DCC: variants seen among roughly 807,000 people sequenced by gnomAD.
DCC encodes netrin receptor DCC.
Under a neutral mutation model 172.5 loss-of-function variants are expected in DCC, and 58 were observed. The ratio of observed to expected loss-of-function variants is 0.34; its 90% CI spans 0.27 to 0.42. The LOEUF is 0.42. Ranked by LOEUF, DCC falls within the 10% of genes least tolerant of loss-of-function variation. The pLI is 1.00. For synonymous variants in DCC, 709 were observed against 644.5 expected, an observed-to-expected ratio of 1.10 and a Z score of -1.52; for missense variants, 1,740 against 1,791.0, an observed-to-expected ratio of 0.97 and a Z score of 0.51.
chr18:53,090,732 A>AAT (rs2042994613), intron 7 of DCC, among the ~76,000 whole-genome samples: 3 of 129,078 alleles, frequency 2.3e-5, no homozygotes, highest in African/African-American at 5.9e-5. Context: ...AAAAAAAAAA[A>AAT]AAGAATGTAT....
chr18:52,722,172 G>A (rs1348179490), intron 1 of DCC, among the ~76,000 whole-genome samples: 6 of 152,176 alleles, frequency 3.9e-5, no homozygotes, highest in African/African-American at 9.7e-5. Flanking sequence ...TTCCCTTGCT[G>A]TTCCACTTCC....
At chr18:52,545,803 T>C (rs28528134) in intron 1 of DCC, among the ~76,000 whole-genome samples, 5,191 of 152,288 alleles carry the variant, frequency 0.034, 187 homozygotes, top group East Asian at 0.095. Context: ...GTGCCTTCTA[T>C]AAGGGAGTGT....
intron 7 of DCC, among the ~76,000 whole-genome samples, chr18:53,096,017 TG>T (rs1225972477): frequency 6.6e-6 from 1 of 151,972 alleles, no homozygotes; most frequent in African/African-American, 2.4e-5. Flanking sequence ...GGTCAGGAGT[TG>T]GGAGACATGA....
chr18:52,806,672 T>G (rs909681331), intron 2 of DCC, among the ~76,000 whole-genome samples: 12 of 152,202 alleles, frequency 7.9e-5, no homozygotes, highest in African/African-American at 2.9e-4. Context: ...GAGAACTTCT[T>G]GTAACCAATT....
chr18:53,511,015 A>C (rs2144530639), intron 27 of DCC, among the ~76,000 whole-genome samples: 1 of 152,356 alleles, frequency 6.6e-6, no homozygotes, highest in East Asian at 1.9e-4. Context: ...GTGGCTTTGA[A>C]CAAGTCCTTT....
chr18:53,340,295 TTTG>T (rs1599040348), intron 15 of DCC, among the ~76,000 whole-genome samples: 1 of 152,214 alleles, frequency 6.6e-6, no homozygotes, highest in Non-Finnish European at 1.5e-5. Flanking sequence ...ATTTTTCATC[TTTG>T]TTGTTGTCAC....
chr18:52,611,985 G>A (rs1476415186), intron 1 of DCC, among the ~76,000 whole-genome samples: 1 of 152,062 alleles, frequency 6.6e-6, no homozygotes, highest in Non-Finnish European at 1.5e-5. Flanking sequence ...TTTGGCATTG[G>A]ATTTTTTTAA....
chr18:52,499,191 G>A (rs1430492562), intron 1 of DCC, among the ~76,000 whole-genome samples: 1 of 152,168 alleles, frequency 6.6e-6, no homozygotes, highest in African/African-American at 2.4e-5. Flanking sequence ...CTAGTGACAA[G>A]TTCAAATGAC....
At chr18:52,845,906 G>T (rs191375167) in intron 2 of DCC, among the ~76,000 whole-genome samples, 1 of 150,280 alleles carries the variant, frequency 6.7e-6, no homozygotes, top group African/African-American at 2.4e-5. Flanking sequence ...CCTCCTTAGA[G>T]GTTAGTTTGT....
intron 1 of DCC, among the ~76,000 whole-genome samples, chr18:52,543,429 T>A (rs2032521916): frequency 6.6e-6 from 1 of 152,210 alleles, no homozygotes; most frequent in South Asian, 2.1e-4. Flanking sequence ...TACTTGTGTC[T>A]AATTCGTGCT....
intron 7 of DCC, among the ~76,000 whole-genome samples, chr18:53,124,222 G>A (rs1008907240): frequency 7.2e-5 from 11 of 151,906 alleles, no homozygotes; most frequent in African/African-American, 1.5e-4. Context: ...TTTAATACAT[G>A]TTCAATCTCT....
At chr18:53,020,573 AG>A (rs757363917) in intron 5 of DCC, among the ~76,000 whole-genome samples, 15 of 152,212 alleles carry the variant, frequency 9.9e-5, no homozygotes, top group Non-Finnish European at 1.8e-4. Flanking sequence ...CACACTCATT[AG>A]TTCCTAGCCC....
intron 1 of DCC, among the ~76,000 whole-genome samples, chr18:52,431,231 T>C (rs1029468577): frequency 2.0e-5 from 3 of 152,206 alleles, no homozygotes; most frequent in African/African-American, 7.2e-5. Flanking sequence ...TCTAGGTGAT[T>C]TGGAGGCTTG....
intron 7 of DCC, among the ~76,000 whole-genome samples, chr18:53,127,815 T>C (rs2043588121): frequency 1.3e-5 from 2 of 152,130 alleles, no homozygotes; most frequent in Admixed American, 6.6e-5. Flanking sequence ...TCGAAACTTA[T>C]TTTCCCTATA....
At chr18:53,092,943 T>G (rs2043034924) in intron 7 of DCC, among the ~76,000 whole-genome samples, 1 of 151,496 alleles carries the variant, frequency 6.6e-6, no homozygotes, top group African/African-American at 2.4e-5. Flanking sequence ...AAAAGATACA[T>G]TCTATCTCTG....
At chr18:52,639,188 A>T (rs1035038572) in intron 1 of DCC, among the ~76,000 whole-genome samples, 5 of 152,134 alleles carry the variant, frequency 3.3e-5, no homozygotes, top group Non-Finnish European at 4.4e-5. Flanking sequence ...CCATAGCCCT[A>T]AATACCTACA....
In DCC at chr18:52,583,692, T is replaced by C. The variant is rs543371396; in HGVS notation, c.92-168362T>C. Among the ~76,000 whole-genome samples, 26 of 152,334 alleles carry C rather than the reference T, an allele frequency of 1.7e-4. No homozygotes were observed. In the South Asian group the frequency reaches 3.5e-3, roughly 21 times the overall value. The stretch of plus-strand genomic sequence containing the variant: ...AGAATCATAGCCATAAGTCACAAAG[T>C]TTAAAGAAAAGTGAAAAATAAACTG... On this transcript the variant is annotated intron_variant, in intron 1 of 28. Coordinates refer to ENST00000442544, the MANE Select transcript of DCC (RefSeq NM_005215.4).
chr18:52,584,213 A>G (rs2033619248), intron 1 of DCC, among the ~76,000 whole-genome samples: 1 of 152,226 alleles, frequency 6.6e-6, no homozygotes, highest in African/African-American at 2.4e-5. Flanking sequence ...GGATACCAGG[A>G]AAGGACAAGG....
At chr18:53,465,127 AGAG>A (rs1427616054) in intron 24 of DCC, among the ~76,000 whole-genome samples, 1 of 152,118 alleles carries the variant, frequency 6.6e-6, no homozygotes, top group African/African-American at 2.4e-5. Context: ...TGAAAACTAA[AGAG>A]GAGGAAAGTC....
Sources: gnomAD v4.1 joint callset for allele counts (sites outside exome capture counted in the v4.1 genomes callset) on GRCh38, gnomAD v4.1.1 for gene constraint, MANE v1.5 for transcripts, NCBI Gene and HGNC (gene_info 2026-07-23, HGNC 2026-07-21) for gene names.